The following EDEM3 variants were observed in gnomAD, a reference collection of about 807,000 sequenced individuals.
The protein encoded by EDEM3 is ER degradation enhancing alpha-mannosidase like protein 3, also known as ER degradation-enhancing alpha-mannosidase-like protein 3.
In EDEM3, 60 loss-of-function variants were observed where a neutral mutation model predicts 110.2. The observed-to-expected ratio is 0.54, with a 90% confidence interval of 0.44 to 0.67. The LOEUF (loss-of-function observed/expected upper bound fraction) is 0.67. Among genes scored for constraint, EDEM3 ranks in the 30% least tolerant of loss-of-function variants. EDEM3 has a pLI of 0.00. For synonymous variants in EDEM3, 352 were observed against 382.9 expected, an observed-to-expected ratio of 0.92 and a Z score of 0.94; for missense variants, 996 against 1,121.0, an observed-to-expected ratio of 0.89 and a Z score of 1.59.
rs1649949664 is a variant in EDEM3 at position 184,706,714 on chromosome 1, CT to C, written c.2131del (p.Arg711GlufsTer75). 6.2e-7 allele frequency: 1 copy of C among 1,613,874 alleles called. No homozygotes were observed. The highest frequency in any genetic ancestry group is 8.5e-7 in the Non-Finnish European group (1 of 1,179,918). ...AVMGKIALIQ[R>X]GQCMFAEKAR... The stretch of plus-strand genomic sequence containing the variant: ...CTTTTCTGCAAACATGCACTGTCCT[CT>C]TTGTATCAGTGCGATTTTTCCCATC... On this transcript the variant is annotated frameshift_variant, in exon 18 of 20. Coordinates refer to ENST00000318130, the MANE Select transcript of EDEM3 (RefSeq NM_025191.4). LOFTEE classifies it high-confidence loss of function.
At chr1:184,712,324 C>A in intron 14 of EDEM3, 109 bp downstream of exon 14, 1 of 974,428 alleles carries the variant, frequency 1.0e-6, no homozygotes, top group Non-Finnish European at 1.5e-6. Context: ...TATATTTATT[C>A]TTACCATACA....
chr1:184,728,053 G>A (rs1651283904), intron 6 of EDEM3, among the ~76,000 whole-genome samples: 2 of 152,022 alleles, frequency 1.3e-5, no homozygotes, highest in Admixed American at 1.3e-4. Context: ...ATATTTTCTG[G>A]TCAGTTCCAT....
intron 4 of EDEM3, among the ~76,000 whole-genome samples, chr1:184,734,891 C>G (rs759326218): frequency 3.3e-5 from 5 of 152,232 alleles, no homozygotes; most frequent in Non-Finnish European, 7.3e-5. Context: ...AAGCTACCAT[C>G]ATCAGACCTG....
Position 184,701,033 on chromosome 1 carries a change from G to A in EDEM3, c.2389+1778C>T, listed in dbSNP as rs147158890. 2.9e-3 allele frequency among the ~76,000 whole-genome samples: 434 copies of A among 151,692 alleles called. 5 individuals carry two copies. The East Asian group carries it at 0.036, about 13-fold the overall frequency. On this transcript the variant is annotated intron_variant, in intron 19 of 19. Coordinates refer to ENST00000318130, the MANE Select transcript of EDEM3 (RefSeq NM_025191.4). Reference sequence around the variant, plus strand: ...CCCTTTTAATGCAAGGTCCTTAAGGGGATACTGTTCACCAAGAATTCTTAT... The same window carrying A: ...CCCTTTTAATGCAAGGTCCTTAAGGAGATACTGTTCACCAAGAATTCTTAT...
rs368554477 is a variant in EDEM3 at position 184,754,442 on chromosome 1, T to G, written c.158+47A>C. On this transcript the variant is annotated intron_variant, in intron 1 of 19. Coordinates refer to ENST00000318130, the MANE Select transcript of EDEM3 (RefSeq NM_025191.4). ...GTCGCAATGACAGGCACCCCTCCTG[T>G]TGTCAGCCTCACCGAGAAACCCACC... is the stretch of plus-strand genomic sequence containing the variant. 6 of 1,610,568 alleles carry G rather than the reference T, an allele frequency of 3.7e-6. No homozygotes were observed. The African/African-American group carries it at 8.0e-5, about 22-fold the overall frequency.
chr1:184,715,718 TA>T lies in EDEM3; in HGVS notation c.1370+1169del, dbSNP rs1280065549. 2.6e-5 allele frequency among the ~76,000 whole-genome samples: 4 copies of T among 152,322 alleles called. No homozygotes were observed. The East Asian group carries it at 7.7e-4, about 29-fold the overall frequency. ...AAGCTGTTGTAAGGATCAAATTAGT[TA>T]AACACATAAAATGCTTAGAAGACTG... On this transcript the variant is annotated intron_variant, in intron 13 of 19. Transcript: ENST00000318130.
Position 184,694,408 on chromosome 1 carries a change from T to G in EDEM3, c.2454A>C (p.Glu818Asp). Residue 818 changes from glutamate (E) to aspartate (D), a missense_variant, in exon 20 of 20, where the codon GAA (glutamate) becomes GAC (aspartate). By Grantham distance (45) the Glu-to-Asp change is conservative (BLOSUM62 2). Around this residue, in one of 5 missense-constraint regions of EDEM3, gnomAD observed 345 missense variants for 402.0 expected, o/e 0.86. Coordinates refer to ENST00000318130, the MANE Select transcript of EDEM3 (RefSeq NM_025191.4). ...SENDSQNQSG[E>D]QISSSSQEVD... The stretch of plus-strand genomic sequence containing the variant: ...CCTCCTGAGAACTTGATGAAATCTG[T>G]TCACCACTCTGATTCTGAGAATCAT... The G allele has an allele frequency of 6.2e-7, 1 of 1,611,538 alleles. No individual in the cohort carries two copies. Among genetic ancestry groups the G allele is most frequent in the South Asian group, 1.1e-5 (1 of 91,000 alleles).
chr1:184,736,723 A>G lies in EDEM3; in HGVS notation c.345+302T>C, dbSNP rs570826680. On this transcript the variant is annotated intron_variant, in intron 4 of 19. Coordinates refer to ENST00000318130, the MANE Select transcript of EDEM3 (RefSeq NM_025191.4). ...TGGAACAACATCAATGATATTTTCT[A>G]AAGTTACTTTTTTCCAATAGCTTCA... 5.3e-5 allele frequency among the ~76,000 whole-genome samples: 8 copies of G among 152,308 alleles called. No homozygotes were observed. In the East Asian group the frequency reaches 9.6e-4, roughly 18 times the overall value.
chr1:184,749,811 A>G (rs2102139045), intron 1 of EDEM3, among the ~76,000 whole-genome samples: 1 of 152,312 alleles, frequency 6.6e-6, no homozygotes, highest in East Asian at 1.9e-4. Flanking sequence ...AACTTTAATG[A>G]TTACTAGTAA....
chr1:184,716,854 C>T (rs1650579058), intron 13 of EDEM3, 34 bp downstream of exon 13: 2 of 1,608,490 alleles, frequency 1.2e-6, no homozygotes, highest in Non-Finnish European at 1.7e-6. Flanking sequence ...TTCAGAGAGA[C>T]CCTGAGGAAA....
In EDEM3 at chr1:184,691,550, T is replaced by G. The variant is rs1649062648; in HGVS notation, c.*2513A>C. ...AGACCAGATGTTTCTAAATTCGGGG[T>G]TTCATAGAATCCCCTGAATCTTTAG... On this transcript the variant is annotated 3_prime_UTR_variant, in exon 20 of 20. Coordinates refer to ENST00000318130, the MANE Select transcript of EDEM3 (RefSeq NM_025191.4). 6.6e-6 allele frequency: 1 copy of G among 152,122 alleles called. No individual in the cohort carries two copies. Among genetic ancestry groups the G allele is most frequent in the Non-Finnish European group, 1.5e-5 (1 of 67,882 alleles). The allele number at this position is 152,122 out of a possible 1,614,324, so 9.4% of individuals were successfully genotyped here.
rs1016111008 is a variant in EDEM3, at chr1:184,694,368, G to C, written c.2494C>G (p.Gln832Glu). The C allele has an allele frequency of 6.2e-7, 1 of 1,612,352 alleles. No individual in the cohort carries two copies. The highest frequency in any genetic ancestry group is 1.3e-5 in the African/African-American group (1 of 74,830). ...AGAGAATTTTCCTCAGAAGACTCTT[G>C]ATCAACCAAATCAACCTCCTGAGAA... ...SSSQEVDLVD[Q>E]ESSEENSLNS... Residue 832 changes from glutamine to glutamate, a missense_variant, in exon 20 of 20, where the codon CAA becomes GAA. Physicochemically the swap from Gln to Glu is conservative, Grantham distance 29. Transcript: ENST00000318130.
chr1:184,730,067 T>A (rs1651421360), intron 6 of EDEM3, among the ~76,000 whole-genome samples: 1 of 152,204 alleles, frequency 6.6e-6, no homozygotes, highest in Non-Finnish European at 1.5e-5. Flanking sequence ...AATTCAATTT[T>A]TCCTCATTAA....
intron 6 of EDEM3, 22 bp downstream of exon 6, chr1:184,732,815 C>T: frequency 6.2e-7 from 1 of 1,604,908 alleles, no homozygotes; most frequent in Non-Finnish European, 8.5e-7. Flanking sequence ...TATAAAGACT[C>T]ATATTTTTCA....
intron 2 of EDEM3, among the ~76,000 whole-genome samples, chr1:184,744,381 C>T (rs369299389): frequency 1.3e-5 from 2 of 150,148 alleles, no homozygotes; most frequent in African/African-American, 4.9e-5. Context: ...TACCACTATA[C>T]ACCCAACAGA....
chr1:184,694,593 G>A (rs1558037470), intron 19 of EDEM3, 121 bp from the exon 20 acceptor site: 2 of 939,536 alleles, frequency 2.1e-6, no homozygotes, highest in Non-Finnish European at 3.1e-6. Context: ...TCATGTTAAT[G>A]CAGAAAGGTG....
chr1:184,701,807 A>T (rs1198287788), intron 19 of EDEM3, among the ~76,000 whole-genome samples: 1 of 152,138 alleles, frequency 6.6e-6, no homozygotes, highest in East Asian at 1.9e-4. Flanking sequence ...CTCATAAATA[A>T]TTGACATTTC....
At chr1:184,703,058 TA>T in intron 18 of EDEM3, 62 bp from the exon 19 acceptor site, 1 of 1,258,426 alleles carries the variant, frequency 7.9e-7, no homozygotes, top group East Asian at 2.8e-5. Flanking sequence ...ATCTATCTAC[TA>T]ATTGTTACTG....
chr1:184,709,014 T>G (rs1460375609), intron 16 of EDEM3, among the ~76,000 whole-genome samples: 2 of 152,030 alleles, frequency 1.3e-5, no homozygotes, highest in African/African-American at 4.8e-5. Flanking sequence ...TTCCTGATAC[T>G]TTACAGGAAA....
Sources: gnomAD v4.1 joint callset for allele counts (sites outside exome capture counted in the v4.1 genomes callset) on GRCh38, gnomAD v4.1.1 for gene constraint, gnomAD v4.1.1 regional missense constraint, MANE v1.5 for transcripts, NCBI Gene and HGNC (gene_info 2026-07-23, HGNC 2026-07-21) for gene names.